SH3D19: variants seen among roughly 807,000 people sequenced by gnomAD.
The protein encoded by SH3D19 is SH3 domain containing 19.
A neutral mutation model predicts 112.1 loss-of-function variants in SH3D19; 58 were observed. The ratio of observed to expected loss-of-function variants is 0.52; its 90% CI spans 0.42 to 0.64. The LOEUF is 0.64. SH3D19 is among the 30% of genes least tolerant of loss of function. The probability of loss-of-function intolerance (pLI) is 0.00; values close to 1 mark genes in which losing one functional copy is unlikely to be tolerated. For missense variants in SH3D19, 1,090 were observed against 1,263.4 expected (o/e 0.86, Z 2.08); for synonymous variants, 391 against 448.5 (o/e 0.87, Z 1.62).
chr4:151,174,766 A>G lies in SH3D19; in HGVS notation c.1438T>C (p.Leu480=), dbSNP rs776134676. The G allele has an allele frequency of 1.3e-6, 2 of 1,538,378 alleles. No individual in the cohort carries two copies. Among genetic ancestry groups the G allele is most frequent in the Non-Finnish European group, 1.7e-6 (2 of 1,147,132 alleles). Residue 480 remains leucine (L), a synonymous_variant, in exon 7 of 20, where the codon TTG becomes CTG. Coordinates refer to ENST00000604030, the MANE Select transcript of SH3D19 (RefSeq NM_001378122.1). ...PPVPVLQSKP[L]VDIDLISFDD... ...AAGCTGATGAGATCGATGTCCACCA[A>G]GGGCTTGCTCTGCAGAACTGGAACT...
intron 1 of SH3D19, chr4:151,300,559 C>T (rs1728297862): frequency 6.6e-6 from 1 of 150,826 alleles, no homozygotes; most frequent in African/African-American, 2.4e-5. Context: ...TGGAAAGATA[C>T]CGAGATTAGC....
chr4:151,307,858 A>G (rs1408892185), intron 1 of SH3D19, among the ~76,000 whole-genome samples: 1 of 152,234 alleles, frequency 6.6e-6, no homozygotes, highest in East Asian at 1.9e-4. Flanking sequence ...TTCCAGTTAG[A>G]ATGAAATGTA....
chr4:151,167,477 GTAT>G (rs1387627021), intron 7 of SH3D19, among the ~76,000 whole-genome samples: 2 of 151,734 alleles, frequency 1.3e-5, no homozygotes, highest in East Asian at 3.8e-4. Flanking sequence ...AATATTACAT[GTAT>G]TATTATTATA....
At chr4:151,309,149 G>A (rs1006280453) in intron 1 of SH3D19, among the ~76,000 whole-genome samples, 13 of 152,236 alleles carry the variant, frequency 8.5e-5, no homozygotes, top group African/African-American at 2.4e-5. Flanking sequence ...GATAACAGGC[G>A]TGAGCCACCG....
chr4:151,283,182 C>A, intron 1 of SH3D19: 2 of 1,613,862 alleles, frequency 1.2e-6, no homozygotes, highest in Non-Finnish European at 1.7e-6. Context: ...GGCTTGTGAA[C>A]AGCTCTACAA....
chr4:151,277,811 C>T (rs1214154233), intron 1 of SH3D19, among the ~76,000 whole-genome samples: 2 of 152,094 alleles, frequency 1.3e-5, no homozygotes, highest in Admixed American at 6.6e-5. Flanking sequence ...GATGCCAAGG[C>T]GGGCAGATCA....
At chr4:151,311,744 G>A (rs1324723358) in intron 1 of SH3D19, among the ~76,000 whole-genome samples, 13 of 151,910 alleles carry the variant, frequency 8.6e-5, no homozygotes, top group Non-Finnish European at 1.8e-4. Context: ...GGAGGCTGAG[G>A]TGGGAAGACC....
At chr4:151,244,615 C>A (rs1770799098) in intron 1 of SH3D19, among the ~76,000 whole-genome samples, 1 of 152,208 alleles carries the variant, frequency 6.6e-6, no homozygotes, top group Non-Finnish European at 1.5e-5. Context: ...TCAGAGACCA[C>A]AGTGTGTACA....
chr4:151,148,138 C>T lies in SH3D19; in HGVS notation c.1866G>A (p.Val622=). The change falls in exon 11 of 20, where the codon GTG becomes GTA. Residue 622 remains valine (V), a synonymous_variant. Coordinates refer to ENST00000604030, the MANE Select transcript of SH3D19 (RefSeq NM_001378122.1). ...TTGGGGGAGGTGGTCTCTCAGGGGGCACCTTGGTTGGAGGCTGTTGAGTTG... is the reference window on the plus strand; with the variant it reads ...TTGGGGGAGGTGGTCTCTCAGGGGGTACCTTGGTTGGAGGCTGTTGAGTTG... ...TIPTQQPPTK[V]PPERPPPPKL... is the part of the protein sequence containing the mutation. 3 of 1,612,808 alleles carry T rather than the reference C, an allele frequency of 1.9e-6. No homozygotes were observed. Among genetic ancestry groups the T allele is most frequent in the Non-Finnish European group, 2.5e-6 (3 of 1,179,732 alleles).
chr4:151,134,499 G>T (rs1751411705), intron 15 of SH3D19, among the ~76,000 whole-genome samples: 1 of 152,198 alleles, frequency 6.6e-6, no homozygotes, highest in African/African-American at 2.4e-5. Context: ...AGCAGTTATT[G>T]TAGGATTCAT....
intron 2 of SH3D19, among the ~76,000 whole-genome samples, chr4:151,194,865 C>T (rs535043601): frequency 1.9e-4 from 28 of 150,758 alleles, no homozygotes; most frequent in African/African-American, 6.6e-4. Flanking sequence ...GCAGGTGGAT[C>T]GCCACAGGTC....
intron 1 of SH3D19, among the ~76,000 whole-genome samples, chr4:151,296,092 G>A (rs1775697645): frequency 2.0e-5 from 3 of 151,518 alleles, no homozygotes; most frequent in Admixed American, 2.0e-4. Context: ...AGAGTAATAG[G>A]GAAAAAAAGA....
chr4:151,252,528 T>C (rs1260191748), intron 1 of SH3D19, among the ~76,000 whole-genome samples: 1 of 152,172 alleles, frequency 6.6e-6, no homozygotes, highest in Non-Finnish European at 1.5e-5. Context: ...GAAACTTAGG[T>C]GGGCTCAATC....
chr4:151,180,041 C>T (rs935408745), intron 3 of SH3D19, among the ~76,000 whole-genome samples: 1 of 152,084 alleles, frequency 6.6e-6, no homozygotes, highest in Non-Finnish European at 1.5e-5. Flanking sequence ...TGACACCATG[C>T]CTTGGTAATT....
chr4:151,171,701 C>A (rs1243263854), intron 7 of SH3D19, among the ~76,000 whole-genome samples: 2 of 152,172 alleles, frequency 1.3e-5, no homozygotes, highest in African/African-American at 4.8e-5. Context: ...GTTTCACCAT[C>A]CCTGGCTTGC....
intron 2 of SH3D19, among the ~76,000 whole-genome samples, chr4:151,208,818 C>T (rs1239724464): frequency 6.6e-6 from 1 of 152,020 alleles, no homozygotes; most frequent in African/African-American, 2.4e-5. Context: ...GCTGGGACTA[C>T]AGGCGCCCAC....
chr4:151,176,098 C>T (rs560910266), intron 6 of SH3D19, among the ~76,000 whole-genome samples: 1 of 152,296 alleles, frequency 6.6e-6, no homozygotes, highest in Non-Finnish European at 1.5e-5. Flanking sequence ...TCTCAAACTC[C>T]TGTGCTCAAG....
chr4:151,321,332 C>G (rs1196850926), intron 1 of SH3D19, among the ~76,000 whole-genome samples: 1 of 152,074 alleles, frequency 6.6e-6, no homozygotes, highest in Non-Finnish European at 1.5e-5. Flanking sequence ...CGCCTATTCC[C>G]CCCACCCTCC....
chr4:151,269,147 A>G (rs1383942607), intron 1 of SH3D19, among the ~76,000 whole-genome samples: 1 of 152,184 alleles, frequency 6.6e-6, no homozygotes, highest in Non-Finnish European at 1.5e-5. Flanking sequence ...CTGATGTGAG[A>G]TGGTATCTCA....
Sources: allele counts gnomAD v4.1 joint callset (sites outside exome capture counted in the v4.1 genomes callset), GRCh38; gene constraint gnomAD v4.1.1; transcripts MANE v1.5; gene names NCBI Gene and HGNC (gene_info 2026-07-23, HGNC 2026-07-21).